CSMD1: variants seen among roughly 807,000 people sequenced by gnomAD.
CSMD1 encodes the protein CUB and sushi domain-containing protein 1.
In CSMD1, 213 loss-of-function variants were observed where a neutral mutation model predicts 417.5. The ratio of observed to expected loss-of-function variants is 0.51; its 90% CI spans 0.46 to 0.57. CSMD1 has a LOEUF of 0.57. Among genes scored for constraint, CSMD1 ranks in the 20% least tolerant of loss-of-function variants. The pLI is 0.00. For synonymous variants in CSMD1, 2,862 were observed against 1,736.8 expected (o/e 1.65, Z -16.11); for missense variants, 6,923 against 4,529.7 (o/e 1.53, Z -15.17).
chr8:3,195,110 A>T (rs759287364), intron 33 of CSMD1, among the ~76,000 whole-genome samples: 14 of 152,196 alleles, frequency 9.2e-5, no homozygotes, highest in Non-Finnish European at 1.9e-4. Context: ...TCTATGTTGA[A>T]ACAAATTACA....
At chr8:4,913,471 C>A (rs937123411) in intron 1 of CSMD1, among the ~76,000 whole-genome samples, 5 of 152,118 alleles carry the variant, frequency 3.3e-5, no homozygotes, top group Admixed American at 3.3e-4. Context: ...CATTGTCCAT[C>A]AGCATCAAAT....
At chr8:4,416,946 C>G (rs1357077199) in intron 3 of CSMD1, among the ~76,000 whole-genome samples, 1 of 151,940 alleles carries the variant, frequency 6.6e-6, no homozygotes, top group East Asian at 1.9e-4. Flanking sequence ...TATGTGTAAT[C>G]CTAATAGTTT....
chr8:4,130,836 T>C (rs879586999), intron 3 of CSMD1, among the ~76,000 whole-genome samples: 1 of 151,434 alleles, frequency 6.6e-6, no homozygotes. Flanking sequence ...TACTATGTGC[T>C]ATATTATATA....
intron 1 of CSMD1, among the ~76,000 whole-genome samples, chr8:4,942,003 A>G (rs1435509859): frequency 6.6e-6 from 1 of 152,192 alleles, no homozygotes; most frequent in African/African-American, 2.4e-5. Context: ...ACCTGAATCA[A>G]ATCATTACAG....
chr8:4,965,290 T>C (rs62489444), intron 1 of CSMD1, among the ~76,000 whole-genome samples: 21,515 of 152,238 alleles, frequency 0.14, 1,869 homozygotes, highest in Middle Eastern at 0.25. Flanking sequence ...GTACTTATTG[T>C]GTATCAGGCA....
chr8:3,331,882 G>T (rs1008240759), intron 23 of CSMD1, among the ~76,000 whole-genome samples: 2 of 152,186 alleles, frequency 1.3e-5, no homozygotes, highest in African/African-American at 2.4e-5. Context: ...AGAGTAGAGT[G>T]TCCTGTCCTC....
At chr8:4,220,448 G>T (rs761160821) in intron 3 of CSMD1, among the ~76,000 whole-genome samples, 1 of 152,198 alleles carries the variant, frequency 6.6e-6, no homozygotes, top group Non-Finnish European at 1.5e-5. Flanking sequence ...TTAGAGGTCA[G>T]GGCAGTGAGA....
chr8:3,145,045 G>GTGTGTGTGTGTC (rs71707448), intron 40 of CSMD1, among the ~76,000 whole-genome samples: 3 of 151,508 alleles, frequency 2.0e-5, no homozygotes, highest in African/African-American at 7.3e-5. Context: ...GTAAAGAGTT[G>GTGTGTGTGTGTC]TGTGTGTGTG....
chr8:4,951,674 T>TA (rs920085351), intron 1 of CSMD1, among the ~76,000 whole-genome samples: 1 of 151,746 alleles, frequency 6.6e-6, no homozygotes, highest in African/African-American at 2.4e-5. Flanking sequence ...CTACTTTTAG[T>TA]AAAAAATGAG....
intron 2 of CSMD1, among the ~76,000 whole-genome samples, chr8:4,427,816 A>T (rs1190717036): frequency 6.6e-6 from 1 of 152,202 alleles, no homozygotes; most frequent in Non-Finnish European, 1.5e-5. Flanking sequence ...AAATATATGC[A>T]TGTTTAACCT....
At chr8:3,049,941 C>T (rs922545434) in intron 50 of CSMD1, among the ~76,000 whole-genome samples, 1 of 151,962 alleles carries the variant, frequency 6.6e-6, no homozygotes, top group African/African-American at 2.4e-5. Context: ...TCGAGAACAA[C>T]GTCTGTCAAA....
intron 1 of CSMD1, among the ~76,000 whole-genome samples, chr8:4,949,799 T>G (rs1585391154): frequency 6.6e-6 from 1 of 152,206 alleles, no homozygotes; most frequent in Non-Finnish European, 1.5e-5. Flanking sequence ...AAACATGTAC[T>G]CGAAGCAATA....
intron 5 of CSMD1, among the ~76,000 whole-genome samples, chr8:3,970,942 G>T (rs559631562): frequency 4.6e-5 from 7 of 152,206 alleles, no homozygotes; most frequent in Non-Finnish European, 1.0e-4. Context: ...GTGGAGATGA[G>T]GTTTCACCAT....
At chr8:4,429,115 C>T (rs933409533) in intron 2 of CSMD1, among the ~76,000 whole-genome samples, 3 of 151,502 alleles carry the variant, frequency 2.0e-5, no homozygotes, top group African/African-American at 4.9e-5. Context: ...TACTGGTAAT[C>T]AGTTTTTTTC....
At chr8:3,806,647 C>T (rs2720882) in intron 5 of CSMD1, among the ~76,000 whole-genome samples, 36,528 of 152,156 alleles carry the variant, frequency 0.24, 4,952 homozygotes, top group Non-Finnish European at 0.31. Context: ...ATATGTGCAT[C>T]AGACAATGCG....
chr8:3,217,438 C>G (rs755697002), intron 29 of CSMD1, among the ~76,000 whole-genome samples: 8 of 152,140 alleles, frequency 5.3e-5, no homozygotes, highest in Admixed American at 2.0e-4. Context: ...CCTTAGGATG[C>G]CGGGGAGAAC....
intron 3 of CSMD1, among the ~76,000 whole-genome samples, chr8:4,262,176 C>A (rs909903356): frequency 6.6e-6 from 1 of 152,132 alleles, no homozygotes; most frequent in Non-Finnish European, 1.5e-5. Flanking sequence ...GAGTCATTTG[C>A]TTTTGACTCT....
chr8:3,541,654 C>A, intron 10 of CSMD1, among the ~76,000 whole-genome samples: 1 of 149,648 alleles, frequency 6.7e-6, no homozygotes, highest in Non-Finnish European at 1.5e-5. Flanking sequence ...TCAAATTAAT[C>A]AAAATATTTT....
chr8:4,317,234 C>G (rs894749373), intron 3 of CSMD1, among the ~76,000 whole-genome samples: 3 of 151,468 alleles, frequency 2.0e-5, no homozygotes, highest in Non-Finnish European at 4.4e-5. Flanking sequence ...GTAAGGTAGG[C>G]AGGGAATTTT....
Sources: allele counts gnomAD v4.1 joint callset (sites outside exome capture counted in the v4.1 genomes callset), GRCh38; gene constraint gnomAD v4.1.1; transcripts MANE v1.5; gene names NCBI Gene and HGNC (gene_info 2026-07-23, HGNC 2026-07-21).